The following CNTNAP3B variants were observed in gnomAD, a reference collection of about 807,000 sequenced individuals.
CNTNAP3B encodes contactin associated protein family member 3B.
CNTNAP3B carries 25 observed loss-of-function variants against 108.9 expected under a neutral mutation model. That is an observed-to-expected ratio of 0.23 (90% confidence interval 0.17 to 0.32). The LOEUF (loss-of-function observed/expected upper bound fraction) is 0.32. Ranked by LOEUF, CNTNAP3B falls within the 10% of genes least tolerant of loss-of-function variation. The pLI is 1.00. For missense variants in CNTNAP3B, 252 were observed against 1,210.4 expected (o/e 0.21, Z 11.75); for synonymous variants, 103 against 473.4 (o/e 0.22, Z 10.16).
chr9:41,959,297 T>G (rs1273689634), intron 12 of CNTNAP3B, among the ~76,000 whole-genome samples: 1 of 152,092 alleles, frequency 6.6e-6, no homozygotes, highest in Non-Finnish European at 1.5e-5. Context: ...ATTGCACATT[T>G]TATAATCATT....
In CNTNAP3B at chr9:41,928,391, G is replaced by C. The variant is rs1823878142; in HGVS notation, c.2365+926C>G. 3.3e-5 allele frequency among the ~76,000 whole-genome samples: 5 copies of C among 152,162 alleles called. No individual in the cohort carries two copies. In the South Asian group the frequency reaches 1.0e-3, roughly 32 times the overall value. On this transcript the variant is annotated intron_variant, in intron 15 of 23. Coordinates refer to ENST00000377561, the MANE Select transcript of CNTNAP3B (RefSeq NM_001201380.3). ...TCTCAGATGAGGAGCCCCCAGACAA[G>C]GGTCCGGGACTCCTTCATCAAGCAG...
rs1026098421 is a variant in CNTNAP3B, at chr9:42,080,482, C to T, written c.197-3420G>A. On this transcript the variant is annotated intron_variant, in intron 2 of 23. Transcript: ENST00000377561. ...TGAGTGGAAATGGTGGGAAACACAG[C>T]GTGACTGACCTGTGCACTGCTGGAT... Among the ~76,000 whole-genome samples, 16 of 138,002 alleles carry T rather than the reference C, an allele frequency of 1.2e-4. 4 individuals carry two copies. The highest frequency in any genetic ancestry group is 4.6e-4 in the African/African-American group (16 of 34,500). 90.5% of individuals were successfully genotyped at this position (138,002 alleles called of 152,430 possible).
At chr9:42,064,253 T>A (rs1226041049) in intron 3 of CNTNAP3B, among the ~76,000 whole-genome samples, 1 of 150,070 alleles carries the variant, frequency 6.7e-6, no homozygotes, top group Admixed American at 6.6e-5. Flanking sequence ...GAAATTTATT[T>A]GTAACAGTTC....
chr9:42,124,024 C>T (rs1196562553), intron 1 of CNTNAP3B, among the ~76,000 whole-genome samples: 1 of 133,440 alleles, frequency 7.5e-6, no homozygotes, highest in Admixed American at 7.6e-5. Flanking sequence ...TAATTCAAAC[C>T]ACAGCCCAGG....
intron 13 of CNTNAP3B, among the ~76,000 whole-genome samples, chr9:41,942,462 T>A (rs1341113985): frequency 1.7e-3 from 257 of 150,982 alleles, no homozygotes; most frequent in Non-Finnish European, 2.9e-3. Context: ...TAGAAAAAAA[T>A]TAGCCGGGCG....
rs1453008095 is a variant in CNTNAP3B at position 42,005,834 on chromosome 9, T to C, written c.539-7230A>G. Among the ~76,000 whole-genome samples, 2 of 10,696 alleles carry C rather than the reference T, an allele frequency of 1.9e-4. 1 individual carries two copies. The highest frequency in any genetic ancestry group is 4.9e-4 in the African/African-American group (2 of 4,084). The allele number at this position is 10,696 out of a possible 152,430, so 7.0% of individuals were successfully genotyped here. ...GAAGACAAGCTCAGAACACTCTTTC[T>C]GCTTTTACCCTTGAAGCACTGGTCA... On this transcript the variant is annotated intron_variant, in intron 4 of 23. Transcript: ENST00000377561.
rs1319158563 is a variant in CNTNAP3B at position 42,105,629 on chromosome 9, G to C, written c.86-890C>G. 4.8e-5 allele frequency among the ~76,000 whole-genome samples: 3 copies of C among 61,896 alleles called. 1 individual carries two copies. Among genetic ancestry groups the C allele is most frequent in the African/African-American group, 1.5e-4 (3 of 19,592 alleles). The allele number at this position is 61,896 out of a possible 152,430, so 40.6% of individuals were successfully genotyped here. On this transcript the variant is annotated intron_variant, in intron 1 of 23. Transcript: ENST00000377561. ...CCACCATCAAACTTGAGGAGCCCCTGGGACCATTCCCACCTTGGGTAGCTC... is the reference window on the plus strand; with the variant it reads ...CCACCATCAAACTTGAGGAGCCCCTCGGACCATTCCCACCTTGGGTAGCTC...
chr9:41,940,302 T>C (rs1313744573), intron 13 of CNTNAP3B, among the ~76,000 whole-genome samples: 4 of 152,294 alleles, frequency 2.6e-5, no homozygotes, highest in Non-Finnish European at 4.4e-5. Context: ...TCCATCATAA[T>C]TGAACTTTTT....
At chr9:42,080,657 A>T (rs1827594057) in intron 2 of CNTNAP3B, among the ~76,000 whole-genome samples, 1 of 38,434 alleles carries the variant, frequency 2.6e-5, no homozygotes, top group African/African-American at 6.0e-5. Flanking sequence ...CTGAGACAAA[A>T]ATGTTGTCTT....
In CNTNAP3B at chr9:42,103,703, C is replaced by G. The variant is rs1195094583; in HGVS notation, c.196+926G>C. ...TGAGCTGAGATTGCACCACCGCACT[C>G]CAGCCTGGGTGACAGAGCGAGACTC... is the stretch of plus-strand genomic sequence containing the variant. On this transcript the variant is annotated intron_variant, in intron 2 of 23. Coordinates refer to ENST00000377561, the MANE Select transcript of CNTNAP3B (RefSeq NM_001201380.3). Among the ~76,000 whole-genome samples the G allele has an allele frequency of 2.2e-5, 2 of 89,982 alleles. 1 individual carries two copies. The highest frequency in any genetic ancestry group is 4.6e-5 in the Non-Finnish European group (2 of 43,492). The allele number at this position is 89,982 out of a possible 152,430, so 59.0% of individuals were successfully genotyped here.
Position 42,124,561 on chromosome 9 carries a change from C to G in CNTNAP3B, c.85+4449G>C, listed in dbSNP as rs1348811438. On this transcript the variant is annotated intron_variant, in intron 1 of 23. Transcript: ENST00000377561. ...TGACATGTGCACAGTCATGTACAAC[C>G]AAGCGTTTGCAAATGCTCTTACAAC... Among the ~76,000 whole-genome samples the G allele has an allele frequency of 1.6e-5, 2 of 126,280 alleles. 1 individual carries two copies. The highest frequency in any genetic ancestry group is 6.5e-5 in the African/African-American group (2 of 30,780). 82.8% of individuals were successfully genotyped at this position (126,280 alleles called of 152,430 possible). A position where few individuals can be genotyped will look rare whatever the true frequency, so the allele number is the denominator to read the frequency against.
chr9:42,027,633 GAA>G (rs1305119423), intron 3 of CNTNAP3B, among the ~76,000 whole-genome samples: 2 of 87,126 alleles, frequency 2.3e-5, no homozygotes, highest in Non-Finnish European at 4.4e-5. Context: ...TCTATTTGCT[GAA>G]AATTTAAAGT....
At chr9:41,935,438 A>G (rs1824128369) in intron 14 of CNTNAP3B, among the ~76,000 whole-genome samples, 1 of 152,290 alleles carries the variant, frequency 6.6e-6, no homozygotes, top group African/African-American at 2.4e-5. Context: ...TACTAAGCAC[A>G]CCTCAGTAAT....
At chr9:41,957,733 G>T (rs1474143810) in intron 12 of CNTNAP3B, among the ~76,000 whole-genome samples, 2 of 152,214 alleles carry the variant, frequency 1.3e-5, no homozygotes, top group African/African-American at 4.8e-5. Flanking sequence ...TGCCATATCT[G>T]ACTCTGGTTT....
intron 14 of CNTNAP3B, among the ~76,000 whole-genome samples, chr9:41,929,967 G>T (rs1292001782): frequency 1.3e-5 from 2 of 152,126 alleles, no homozygotes; most frequent in Non-Finnish European, 2.9e-5. Flanking sequence ...AATCAAGAAG[G>T]TAACTTCCCT....
intron 1 of CNTNAP3B, among the ~76,000 whole-genome samples, chr9:42,126,619 G>A (rs1358356401): frequency 7.4e-6 from 1 of 135,950 alleles, no homozygotes; most frequent in African/African-American, 3.0e-5. Context: ...GCCCAGGCTG[G>A]AGTGCTATGG....
At chr9:41,955,555 G>A (rs1188924347) in intron 12 of CNTNAP3B, among the ~76,000 whole-genome samples, 1 of 152,212 alleles carries the variant, frequency 6.6e-6, no homozygotes, top group Admixed American at 6.5e-5. Context: ...ATTAGAGATA[G>A]GGTCTCCCTC....
Position 42,123,713 on chromosome 9 carries a change from C to A in CNTNAP3B, c.85+5297G>T, listed in dbSNP as rs1027363213. On this transcript the variant is annotated intron_variant, in intron 1 of 23. Transcript: ENST00000377561. ...CTGAGAAGCAATGACATTCAATAAA[C>A]TTTTTTCCACGGGATTTAGTTACAA... Among the ~76,000 whole-genome samples the A allele has an allele frequency of 2.2e-5, 3 of 138,230 alleles. 1 individual carries two copies. Among genetic ancestry groups the A allele is most frequent in the Non-Finnish European group, 4.6e-5 (3 of 64,808 alleles). 90.7% of individuals were successfully genotyped at this position (138,230 alleles called of 152,430 possible).
At chr9:42,044,190 T>C (rs1416996108) in intron 3 of CNTNAP3B, among the ~76,000 whole-genome samples, 2 of 141,140 alleles carry the variant, frequency 1.4e-5, no homozygotes, top group Non-Finnish European at 3.1e-5. Context: ...TGCTGGCATA[T>C]TGCTACAATT....
Sources: allele counts gnomAD v4.1 joint callset (sites outside exome capture counted in the v4.1 genomes callset), GRCh38; gene constraint gnomAD v4.1.1; transcripts MANE v1.5; gene names NCBI Gene and HGNC (gene_info 2026-07-23, HGNC 2026-07-21).